Variants in ZNG1B observed in about 807,000 individuals in gnomAD.
ZNG1B encodes the protein zinc-regulated GTPase metalloprotein activator 1B.
the ZNG1B span, chr2:113,441,208 T>C: frequency 7.7e-7 from 1 of 1,301,110 alleles, no homozygotes; most frequent in Non-Finnish European, 1.0e-6. Flanking sequence ...GATGCTTTAA[T>C]CTTATCCTCT....
the ZNG1B span, among the ~76,000 whole-genome samples, chr2:113,480,153 AT>A: frequency 6.7e-6 from 1 of 150,104 alleles, no homozygotes; most frequent in East Asian, 2.0e-4. Flanking sequence ...TAATTATTTT[AT>A]TTTATTGAGA....
At chr2:113,444,864 AC>A in the ZNG1B span, 2 of 1,523,922 alleles carry the variant, frequency 1.3e-6, no homozygotes, top group South Asian at 2.4e-5. Flanking sequence ...TCCTAAGGGT[AC>A]TTTTGTCTTG....
chr2:113,446,423 A>G, the ZNG1B span, among the ~76,000 whole-genome samples: 1 of 152,236 alleles, frequency 6.6e-6, no homozygotes, highest in South Asian at 2.1e-4. Flanking sequence ...CAAAGAAGAA[A>G]GTTGAAAAGT....
chr2:113,493,954 GAAAC>G, the ZNG1B span: 66 of 1,474,328 alleles, frequency 4.5e-5, no homozygotes, highest in Non-Finnish European at 5.9e-5. Context: ...AAGAATGTGA[GAAAC>G]AAGGACAATC....
At chr2:113,450,767 A>G in the ZNG1B span, among the ~76,000 whole-genome samples, 2 of 147,510 alleles carry the variant, frequency 1.4e-5, no homozygotes, top group Admixed American at 1.4e-4. Context: ...GAGAACTTCT[A>G]TGTGGTGCTG....
At chr2:113,460,542 T>C in the ZNG1B span, 1 of 1,351,930 alleles carries the variant, frequency 7.4e-7, no homozygotes, top group Non-Finnish European at 1.0e-6. Context: ...TTTGGATTTG[T>C]GTATTCAGTA....
chr2:113,488,794 A>C, the ZNG1B span, among the ~76,000 whole-genome samples: 2 of 152,206 alleles, frequency 1.3e-5, no homozygotes, highest in East Asian at 3.9e-4. Flanking sequence ...AGGTCTTCTA[A>C]TTAACCGAAT....
At chr2:113,450,202 C>T in the ZNG1B span, among the ~76,000 whole-genome samples, 1 of 148,498 alleles carries the variant, frequency 6.7e-6, no homozygotes, top group Admixed American at 6.8e-5. Context: ...CTTCTAAGAA[C>T]ATTTTCCTTG....
At chr2:113,483,799 G>A in the ZNG1B span, among the ~76,000 whole-genome samples, 2 of 152,126 alleles carry the variant, frequency 1.3e-5, no homozygotes, top group Admixed American at 6.5e-5. Context: ...GGCATAATGA[G>A]CCTGTATGTA....
chr2:113,481,999 A>G, the ZNG1B span: 1 of 942,792 alleles, frequency 1.1e-6, no homozygotes, highest in Non-Finnish European at 1.5e-6. Context: ...ATTTTAAAAA[A>G]ACTTAATCTG....
chr2:113,456,272 C>T, the ZNG1B span, among the ~76,000 whole-genome samples: 1 of 152,232 alleles, frequency 6.6e-6, no homozygotes, highest in Admixed American at 6.5e-5. Flanking sequence ...TACAGTTTCA[C>T]GCAGAAAAAT....
the ZNG1B span, chr2:113,469,847 A>G: frequency 6.7e-6 from 1 of 150,146 alleles, no homozygotes. Context: ...AATCTGACCA[A>G]TGATGTTTTT....
the ZNG1B span, among the ~76,000 whole-genome samples, chr2:113,453,395 G>A: frequency 6.6e-6 from 1 of 151,806 alleles, no homozygotes; most frequent in Non-Finnish European, 1.5e-5. Flanking sequence ...TGGGACTACA[G>A]GCGTGCACCA....
chr2:113,474,613 G>C, the ZNG1B span, among the ~76,000 whole-genome samples: 69,496 of 119,818 alleles, frequency 0.58, 22,567 homozygotes, highest in African/African-American at 0.71. Flanking sequence ...CCTGCTTTCT[G>C]TTGTGGGCAT....
chr2:113,469,737 T>C, the ZNG1B span: 1 of 142,732 alleles, frequency 7.0e-6, no homozygotes, highest in Non-Finnish European at 1.5e-5. Flanking sequence ...GAGTATGTGA[T>C]AGACTGTTGA....
the ZNG1B span, among the ~76,000 whole-genome samples, chr2:113,447,232 T>C: frequency 1.3e-4 from 12 of 95,746 alleles, no homozygotes; most frequent in Non-Finnish European, 2.1e-4. Context: ...CAGTGAGTCA[T>C]GATTGCACCA....
the ZNG1B span, among the ~76,000 whole-genome samples, chr2:113,459,645 A>G: frequency 1.7e-4 from 26 of 151,926 alleles, no homozygotes; most frequent in African/African-American, 6.3e-4. Context: ...GCCATCTCCC[A>G]TAATTATTAT....
chr2:113,445,082 G>A, the ZNG1B span: 1 of 1,605,320 alleles, frequency 6.2e-7, no homozygotes, highest in African/African-American at 1.3e-5. Flanking sequence ...TTAATAACCA[G>A]AATATAGTTC....
the ZNG1B span, chr2:113,460,819 T>A: frequency 1.3e-6 from 2 of 1,544,394 alleles, no homozygotes; most frequent in Non-Finnish European, 1.7e-6. Flanking sequence ...TAAAACATAG[T>A]CAACGAAAAT....
Sources: allele counts gnomAD v4.1 joint callset (sites outside exome capture counted in the v4.1 genomes callset), GRCh38; gene constraint gnomAD v4.1.1; transcripts MANE v1.5; gene names NCBI Gene and HGNC (gene_info 2026-07-23, HGNC 2026-07-21).